IGFN1: variants seen among roughly 807,000 people sequenced by gnomAD.
IGFN1 encodes immunoglobulin like and fibronectin type III domain containing 1.
IGFN1 carries 253 observed loss-of-function variants against 289.5 expected under a neutral mutation model. That is an observed-to-expected ratio of 0.87 (90% CI 0.79 to 0.97). IGFN1 has a LOEUF of 0.97. Ranked by LOEUF, IGFN1 falls within the 50% of genes least tolerant of loss-of-function variation. The pLI is 0.00. For synonymous variants in IGFN1, 1,706 were observed against 1,788.5 expected (o/e 0.95, Z 1.16); for missense variants, 4,470 against 4,686.1 (o/e 0.95, Z 1.35).
At chr1:201,221,975 C>T (rs540823945) in intron 19 of IGFN1, 55 of 388,282 alleles carry the variant, frequency 1.4e-4, no homozygotes, top group African/African-American at 9.3e-4. Flanking sequence ...GTTTTTATTC[C>T]GAAGTTACAG....
intron 14 of IGFN1, 51 bp from the exon 15 acceptor site, chr1:201,215,488 C>T (rs1571478264): frequency 1.4e-6 from 2 of 1,469,948 alleles, no homozygotes; most frequent in East Asian, 2.3e-5. Flanking sequence ...TTCTATATTC[C>T]CCAGGTGCCC....
chr1:201,206,219 G>C lies in IGFN1; in HGVS notation c.1326G>C (p.Gly442=). ...GEKSREQGPR[G]GSLEGAGPAS... is the part of the protein sequence containing the mutation. ...AATCCAGAGAGCAGGGCCCCAGGGGGGGCTCCCTTGAAGGGGCTGGGCCGG... is the reference window on the plus strand; with the variant it reads ...AATCCAGAGAGCAGGGCCCCAGGGGCGGCTCCCTTGAAGGGGCTGGGCCGG... Residue 442 remains glycine, a synonymous_variant, in exon 12 of 24, where the codon GGG becomes GGC. Transcript: ENST00000335211. 1.3e-6 allele frequency: 2 copies of C among 1,548,306 alleles called. No homozygotes were observed. Among genetic ancestry groups the C allele is most frequent in the South Asian group, 1.2e-5 (1 of 83,746 alleles).
Position 201,225,933 on chromosome 1 carries a change from C to A in IGFN1, c.10596C>A (p.Tyr3532Ter). The A allele has an allele frequency of 6.2e-7, 1 of 1,604,206 alleles. No homozygotes were observed. Among genetic ancestry groups the A allele is most frequent in the South Asian group, 1.1e-5 (1 of 89,102 alleles). Residue 3532 changes from tyrosine (Y) to a stop codon, truncating the protein, a stop_gained, in exon 22 of 24, where the codon TAC becomes TAA. Coordinates refer to ENST00000335211, the MANE Select transcript of IGFN1 (RefSeq NM_001164586.2). LOFTEE classifies it high-confidence loss of function. ...PDEAQDVPLH[Y>*]AVFTRSSAHG... ...AGGCCCAGGATGTCCCGCTGCACTA[C>A]GCGGTGTTCACACGCTCCTCAGCGC...
Position 201,212,910 on chromosome 1 carries a change from G to A in IGFN1, c.8017G>A (p.Gly2673Ser), listed in dbSNP as rs537015394. The A allele has an allele frequency of 1.9e-6, 3 of 1,551,488 alleles. No individual in the cohort carries two copies. In the East Asian group the frequency reaches 7.3e-5, roughly 38 times the overall value. Residue 2673 changes from glycine (G) to serine (S), a missense_variant, in exon 12 of 24, where the codon GGT becomes AGT. Physicochemically the swap from Gly to Ser is moderately conservative, Grantham distance 56. This residue lies in a region of IGFN1 where 2,218 missense variants were observed against 2,114.1 expected (regional missense o/e 1.05). Coordinates refer to ENST00000335211, the MANE Select transcript of IGFN1 (RefSeq NM_001164586.2). ...CCATGAAGGGCCAGGGGGCTTTAAG[G>A]GTGGGGAGGGTGCACCAGGCCAAGA... Reference protein sequence around the residue: ...GTHEGPGGFKGGEGAPGQEAA... With the variant: ...GTHEGPGGFKSGEGAPGQEAA...
At position 201,217,346 on chromosome 1, in the gene IGFN1, C is replaced by G. The variant is rs1206166178; in HGVS notation, c.9655C>G (p.Leu3219Val). ...GTCGGCCTCCAGCCAGGGCATCACA[C>G]TGACATGGACAGCACCTCGGGGCCC... ...ILSASSQGIT[L>V]TWTAPRGPGS... The change falls in exon 17 of 24, where the codon CTG becomes GTG. Residue 3219 changes from leucine (L) to valine (V), a missense_variant. By Grantham distance (32) the Leu-to-Val change is conservative. Transcript: ENST00000335211. The G allele has an allele frequency of 6.2e-7, 1 of 1,614,084 alleles. No individual in the cohort carries two copies. Among genetic ancestry groups the G allele is most frequent in the Non-Finnish European group, 8.5e-7 (1 of 1,180,038 alleles).
Position 201,216,149 on chromosome 1 carries a change from G to T in IGFN1, c.9296-305G>T, listed in dbSNP as rs1168195484. ...GCCCTGAGTGGTGCCAGCAAGGTAG[G>T]ACTGCTCTTGGCCGAGCAGGTGCCC... On this transcript the variant is annotated intron_variant, in intron 15 of 23. Transcript: ENST00000335211. 3.3e-5 allele frequency: 21 copies of T among 627,752 alleles called. No homozygotes were observed. In the Admixed American group the frequency reaches 4.6e-4, roughly 14 times the overall value. 38.9% of individuals were successfully genotyped at this position (627,752 alleles called of 1,614,324 possible).
At chr1:201,225,582 G>A (rs1201322611) in intron 21 of IGFN1, among the ~76,000 whole-genome samples, 1 of 152,234 alleles carries the variant, frequency 6.6e-6, no homozygotes, top group African/African-American at 2.4e-5. Context: ...GACAGAGCCA[G>A]ACTCCGTCTC....
Position 201,212,325 on chromosome 1 carries a change from G to A in IGFN1, c.7432G>A (p.Ala2478Thr). The A allele has an allele frequency of 6.5e-7, 1 of 1,536,730 alleles. No individual in the cohort carries two copies. The highest frequency in any genetic ancestry group is 8.7e-7 in the Non-Finnish European group (1 of 1,146,804). ...CTATGGAACTTCAGGGATCCCTGAGGCCTCGGAGGCTGCTGGTGCCAAGGG... is the reference window on the plus strand; with the variant it reads ...CTATGGAACTTCAGGGATCCCTGAGACCTCGGAGGCTGCTGGTGCCAAGGG... ...GGYGTSGIPE[A>T]SEAAGAKGKP... Residue 2478 changes from alanine to threonine, a missense_variant, in exon 12 of 24, where the codon GCC becomes ACC. Physicochemically the swap from Ala to Thr is moderately conservative, Grantham distance 58 (BLOSUM62 0). This residue lies in a region of IGFN1 where 2,218 missense variants were observed against 2,114.1 expected (regional missense o/e 1.05). Transcript: ENST00000335211.
chr1:201,228,626 A>C lies in IGFN1; in HGVS notation c.*227A>C, dbSNP rs1489170431. The C allele has an allele frequency of 1.7e-6, 1 of 603,580 alleles. No homozygotes were observed. The highest frequency in any genetic ancestry group is 3.0e-6 in the Non-Finnish European group (1 of 337,606). 37.4% of individuals were successfully genotyped at this position (603,580 alleles called of 1,614,324 possible). On this transcript the variant is annotated 3_prime_UTR_variant, in exon 24 of 24. Transcript: ENST00000335211. Reference sequence around the variant, plus strand: ...CTGGCTCCAAGCTAAGTCACTCAACAGAATGACAGCGAACCTCCTGGACCC... The same window carrying C: ...CTGGCTCCAAGCTAAGTCACTCAACCGAATGACAGCGAACCTCCTGGACCC...
At position 201,214,230 on chromosome 1, in the gene IGFN1, G is replaced by A; in HGVS notation, c.8782G>A (p.Glu2928Lys). ...GLADMEVQPG[E>K]AATLSCTLTS... ...GGCTGACATGGAAGTGCAGCCGGGGGAGGCCGCCACACTCTCCTGTACCCT... is the reference window on the plus strand; with the variant it reads ...GGCTGACATGGAAGTGCAGCCGGGGAAGGCCGCCACACTCTCCTGTACCCT... The change falls in exon 13 of 24, where the codon GAG becomes AAG. Residue 2928 changes from glutamate (E) to lysine (K), a missense_variant. By Grantham distance (56) the Glu-to-Lys change is moderately conservative. This residue lies in a region of IGFN1 where 2,218 missense variants were observed against 2,114.1 expected (regional missense o/e 1.05). Transcript: ENST00000335211. 1 of 1,613,574 alleles carries A rather than the reference G, an allele frequency of 6.2e-7. No homozygotes were observed. Among genetic ancestry groups the A allele is most frequent in the Non-Finnish European group, 8.5e-7 (1 of 1,179,688 alleles).
chr1:201,215,517 G>T (rs748746564), intron 14 of IGFN1, 22 bp from the exon 15 acceptor site: 1 of 1,533,538 alleles, frequency 6.5e-7, no homozygotes, highest in Non-Finnish European at 8.8e-7. Context: ...GGTCTTCCTT[G>T]ACTCTCTTGT....
At chr1:201,195,641 T>C (rs527568944) in intron 3 of IGFN1, among the ~76,000 whole-genome samples, 198 bp from the exon 4 acceptor site, 1 of 152,330 alleles carries the variant, frequency 6.6e-6, no homozygotes, top group Non-Finnish European at 1.5e-5. Context: ...AGCACTGCCT[T>C]CTGGGTGCCT....
chr1:201,221,671 G>A lies in IGFN1; in HGVS notation c.10126G>A (p.Val3376Met). 6.2e-7 allele frequency: 1 copy of A among 1,614,068 alleles called. No individual in the cohort carries two copies. The highest frequency in any genetic ancestry group is 8.5e-7 in the Non-Finnish European group (1 of 1,179,962). The change falls in exon 19 of 24, where the codon GTG becomes ATG. Residue 3376 changes from valine (V) to methionine (M), a missense_variant. Physicochemically the swap from Val to Met is conservative, Grantham distance 21. Around this residue, in one of 8 missense-constraint regions of IGFN1, gnomAD observed 2,218 missense variants for 2,114.1 expected, o/e 1.05. Coordinates refer to ENST00000335211, the MANE Select transcript of IGFN1 (RefSeq NM_001164586.2). ...LRPGEGYFVR[V>M]TAVNEGGQSQ... ...GCCTGGAGAGGGCTACTTCGTGCGGGTGACAGCAGTTAATGAAGGAGGCCA... is the reference window on the plus strand; with the variant it reads ...GCCTGGAGAGGGCTACTTCGTGCGGATGACAGCAGTTAATGAAGGAGGCCA...
At position 201,221,433 on chromosome 1, in the gene IGFN1, G is replaced by A. The variant is rs1471065127; in HGVS notation, c.9899-11G>A. 1 of 1,552,592 alleles carries A rather than the reference G, an allele frequency of 6.4e-7. No individual in the cohort carries two copies. On this transcript the variant is annotated splice_polypyrimidine_tract_variant and intron_variant, in intron 18 of 23. Transcript: ENST00000335211. ...AGATGCCATTCCTGACTCTCCCATG[G>A]TGCCTGGCAGGACCCCCTGGGCTGG...
intron 1 of IGFN1, among the ~76,000 whole-genome samples, chr1:201,192,875 T>C (rs1666719624): frequency 1.3e-5 from 2 of 152,194 alleles, no homozygotes; most frequent in African/African-American, 2.4e-5. Context: ...GAAAGGATCC[T>C]GAATGGGTCT....
intron 17 of IGFN1, 128 bp from the exon 18 acceptor site, chr1:201,218,402 T>G: frequency 2.5e-6 from 2 of 801,020 alleles, no homozygotes; most frequent in South Asian, 1.8e-5. Context: ...TCACAGCGGG[T>G]GGAGGGATGT....
intron 12 of IGFN1, 31 bp downstream of exon 12, chr1:201,213,652 T>A (rs555439006): frequency 1.9e-6 from 3 of 1,575,814 alleles, no homozygotes; most frequent in Non-Finnish European, 2.6e-6. Context: ...CTGGCTCCCA[T>A]GGGCTAGAGA....
At chr1:201,200,088 A>G in intron 7 of IGFN1, 149 bp from the exon 8 acceptor site, 2 of 644,248 alleles carry the variant, frequency 3.1e-6, no homozygotes, top group Non-Finnish European at 5.3e-6. Context: ...TCTGGCCTCA[A>G]CAGTGGTCAG....
rs2102328930 is a variant in IGFN1 at position 201,203,773 on chromosome 1, A to G, written c.783A>G (p.Gln261=). 1 of 1,551,864 alleles carries G rather than the reference A, an allele frequency of 6.4e-7. No homozygotes were observed. The highest frequency in any genetic ancestry group is 8.7e-7 in the Non-Finnish European group (1 of 1,147,052). The stretch of plus-strand genomic sequence containing the variant: ...TGATCCCCTATGGCTTCAACAACCA[A>G]ACCAAGCACTGTCTGCGCCGGCTGG... ...GEMIPYGFNN[Q]TKHCLRRLGK... is the part of the protein sequence containing the mutation. Residue 261 remains glutamine (Q), a synonymous_variant, in exon 10 of 24, where the codon CAA becomes CAG. Coordinates refer to ENST00000335211, the MANE Select transcript of IGFN1 (RefSeq NM_001164586.2).
Sources: gnomAD v4.1 joint callset for allele counts (sites outside exome capture counted in the v4.1 genomes callset) on GRCh38, gnomAD v4.1.1 for gene constraint, gnomAD v4.1.1 regional missense constraint, MANE v1.5 for transcripts, NCBI Gene and HGNC (gene_info 2026-07-23, HGNC 2026-07-21) for gene names.